The following CCDC102B variants were observed in gnomAD, a reference collection of about 807,000 sequenced individuals.
The protein encoded by CCDC102B is coiled-coil domain-containing protein 102B.
Under a neutral mutation model 57.4 loss-of-function variants are expected in CCDC102B, and 75 were observed. The ratio of observed to expected loss-of-function variants is 1.31; its 90% CI spans 1.08 to 1.58. CCDC102B has a LOEUF of 1.58. Ranked by LOEUF, CCDC102B falls within the 40% of genes most tolerant of loss-of-function variation. The pLI, the probability that CCDC102B is intolerant of heterozygous loss-of-function variation, is 0.00. For synonymous variants in CCDC102B, 206 were observed against 201.9 expected (o/e 1.02, Z -0.17); for missense variants, 636 against 582.6 (o/e 1.09, Z -0.94).
At position 68,798,670 on chromosome 18, in the gene CCDC102B, G is replaced by A. The variant is rs1358427612; in HGVS notation, c.-16+489G>A. Reference sequence around the variant, plus strand: ...GTCTTCATGCTAAATTCTTGTATTCGTTAATGGAAAGTATATTTCAAACTT... The same window carrying A: ...GTCTTCATGCTAAATTCTTGTATTCATTAATGGAAAGTATATTTCAAACTT... On this transcript the variant is annotated intron_variant, in intron 1 of 7. Coordinates refer to ENST00000360242, the MANE Select transcript of CCDC102B (RefSeq NM_024781.3). Among the ~76,000 whole-genome samples the A allele has an allele frequency of 3.9e-5, 6 of 151,918 alleles. 1 individual carries two copies. Among genetic ancestry groups the A allele is most frequent in the South Asian group, 4.2e-4 (2 of 4,818 alleles).
chr18:68,919,665 A>G lies in CCDC102B; in HGVS notation c.1263+22237A>G, dbSNP rs543776851. Among the ~76,000 whole-genome samples, 14 of 152,274 alleles carry G rather than the reference A, an allele frequency of 9.2e-5. No individual in the cohort carries two copies. The South Asian group carries it at 1.7e-3, about 18-fold the overall frequency. On this transcript the variant is annotated intron_variant, in intron 6 of 7. Transcript: ENST00000360242. ...CTCTGCTGCAAACTTAGGCTACAAA[A>G]AACTTTTCTTTATAAGTTCTGAGTT...
chr18:69,031,383 T>A (rs574429259), intron 7 of CCDC102B, among the ~76,000 whole-genome samples: 3 of 151,970 alleles, frequency 2.0e-5, no homozygotes, highest in African/African-American at 7.2e-5. Context: ...TCTTTTTACA[T>A]AATTTGTACA....
At chr18:68,885,131 A>G (rs2039836777) in intron 5 of CCDC102B, among the ~76,000 whole-genome samples, 2 of 152,034 alleles carry the variant, frequency 1.3e-5, no homozygotes, top group Admixed American at 1.3e-4. Context: ...TAACATGGAG[A>G]AAACGAAAAT....
At chr18:68,831,892 G>T (rs8092671) in intron 1 of CCDC102B, among the ~76,000 whole-genome samples, 4,921 of 151,896 alleles carry the variant, frequency 0.032, 206 homozygotes, top group African/African-American at 0.097. Flanking sequence ...CTCATCATTT[G>T]TGCATGTTTG....
chr18:68,820,154 G>A (rs565694605), intron 1 of CCDC102B, among the ~76,000 whole-genome samples: 1 of 152,104 alleles, frequency 6.6e-6, no homozygotes, highest in Non-Finnish European at 1.5e-5. Flanking sequence ...CGGGGGTAAA[G>A]CTATCAATAA....
Position 68,843,567 on chromosome 18 carries a change from C to T in CCDC102B, c.828-2746C>T, listed in dbSNP as rs546223819. ...TCTTTTCATAAAAATAATTTTGGTT[C>T]ACATTTTCTATTTTAGATTCTACAA... On this transcript the variant is annotated intron_variant, in intron 3 of 7. Coordinates refer to ENST00000360242, the MANE Select transcript of CCDC102B (RefSeq NM_024781.3). Among the ~76,000 whole-genome samples the T allele has an allele frequency of 4.6e-5, 7 of 151,980 alleles. No individual in the cohort carries two copies. The East Asian group carries it at 1.4e-3, about 29-fold the overall frequency.
At chr18:68,914,753 A>T (rs958834716) in intron 6 of CCDC102B, among the ~76,000 whole-genome samples, 1 of 152,166 alleles carries the variant, frequency 6.6e-6, no homozygotes, top group Non-Finnish European at 1.5e-5. Context: ...CACTTATTTC[A>T]GTGTTTAATA....
rs1260597946 is a variant in CCDC102B at position 68,857,267 on chromosome 18, ATATATATATAATATATATTTATATAT to A, written c.936+10884_936+10909del. Among the ~76,000 whole-genome samples the A allele has an allele frequency of 3.9e-3, 40 of 10,348 alleles. 3 individuals carry two copies. Among genetic ancestry groups the A allele is most frequent in the Admixed American group, 8.3e-3 (3 of 362 alleles). The allele number at this position is 10,348 out of a possible 152,430, so 6.8% of individuals were successfully genotyped here. On this transcript the variant is annotated intron_variant, in intron 4 of 7. Coordinates refer to ENST00000360242, the MANE Select transcript of CCDC102B (RefSeq NM_024781.3). ...ATATATTTATTATTTAAATATATAA[ATATATATATAATATATATTTATATAT>A]TATATATATAATATATATTTATATA...
chr18:68,778,824 C>T (rs908163270), intron 2 of CCDC102B, among the ~76,000 whole-genome samples: 2 of 146,570 alleles, frequency 1.4e-5, no homozygotes, highest in South Asian at 2.3e-4. Flanking sequence ...ATAGTGATGA[C>T]TTCTGGTCAA....
chr18:68,761,023 T>A (rs921358373), intron 2 of CCDC102B, among the ~76,000 whole-genome samples: 1 of 152,190 alleles, frequency 6.6e-6, no homozygotes, highest in African/African-American at 2.4e-5. Context: ...TGAATACTAG[T>A]AGAGATGCTG....
intron 5 of CCDC102B, among the ~76,000 whole-genome samples, chr18:68,892,095 G>T (rs1165204860): frequency 2.0e-5 from 3 of 152,128 alleles, no homozygotes; most frequent in African/African-American, 7.2e-5. Context: ...TGGGTAGGAG[G>T]ATGAAAATCA....
chr18:68,906,005 G>A (rs1364765759), intron 6 of CCDC102B, among the ~76,000 whole-genome samples: 1 of 152,052 alleles, frequency 6.6e-6, no homozygotes, highest in Non-Finnish European at 1.5e-5. Flanking sequence ...ATGTTAGCCA[G>A]GATGGTCTTG....
intron 6 of CCDC102B, among the ~76,000 whole-genome samples, chr18:68,909,892 T>C (rs545772919): frequency 1.9e-4 from 29 of 152,264 alleles, no homozygotes; most frequent in Non-Finnish European, 3.5e-4. Flanking sequence ...TTTTTGTTTG[T>C]ATTTTATTCT....
intron 7 of CCDC102B, among the ~76,000 whole-genome samples, chr18:69,031,564 TAATC>T (rs1008931275): frequency 6.6e-6 from 1 of 152,144 alleles, no homozygotes; most frequent in Admixed American, 6.5e-5. Flanking sequence ...GCTTTAATTT[TAATC>T]AATTAAACAC....
chr18:68,794,225 C>T (rs2035556381), upstream of CCDC102B, among the ~76,000 whole-genome samples: 1 of 152,232 alleles, frequency 6.6e-6, no homozygotes. Context: ...TGAATCATGA[C>T]TTCACCAGCT....
chr18:68,960,655 T>C (rs2050023311), intron 6 of CCDC102B, among the ~76,000 whole-genome samples: 1 of 152,182 alleles, frequency 6.6e-6, no homozygotes, highest in Non-Finnish European at 1.5e-5. Flanking sequence ...TTATAGTCTG[T>C]GGTGGCAAGG....
At chr18:68,889,417 G>T (rs1293706448) in intron 5 of CCDC102B, among the ~76,000 whole-genome samples, 1 of 151,978 alleles carries the variant, frequency 6.6e-6, no homozygotes, top group Non-Finnish European at 1.5e-5. Flanking sequence ...TAAATTAGTG[G>T]TTTTGTTTTG....
At chr18:68,825,963 C>T (rs886637211) in intron 1 of CCDC102B, among the ~76,000 whole-genome samples, 1 of 152,014 alleles carries the variant, frequency 6.6e-6, no homozygotes, top group Non-Finnish European at 1.5e-5. Flanking sequence ...TTATATTTCC[C>T]GTTACTGTCA....
intron 2 of CCDC102B, among the ~76,000 whole-genome samples, chr18:68,778,457 C>T (rs1022186405): frequency 1.3e-5 from 2 of 151,958 alleles, no homozygotes; most frequent in African/African-American, 2.4e-5. Flanking sequence ...GAGATGTACC[C>T]GGTTTTAGTT....
Sources: allele counts gnomAD v4.1 joint callset (sites outside exome capture counted in the v4.1 genomes callset), GRCh38; gene constraint gnomAD v4.1.1; transcripts MANE v1.5; gene names NCBI Gene and HGNC (gene_info 2026-07-23, HGNC 2026-07-21).